Variants in NEGR1 observed in about 807,000 individuals in gnomAD.
NEGR1 encodes the protein IgLON family member 4.
A neutral mutation model predicts 40.9 loss-of-function variants in NEGR1; 10 were observed. The ratio of observed to expected loss-of-function variants is 0.24; its 90% CI spans 0.15 to 0.42. The LOEUF is 0.42. Ranked by LOEUF, NEGR1 falls within the 10% of genes least tolerant of loss-of-function variation. NEGR1 has a pLI of 1.00. For missense variants in NEGR1, 352 were observed against 438.9 expected, an observed-to-expected ratio of 0.80 and a Z score of 1.77; for synonymous variants, 185 against 166.8, an observed-to-expected ratio of 1.11 and a Z score of -0.84.
intron 1 of NEGR1, among the ~76,000 whole-genome samples, chr1:71,951,877 A>C (rs755507714): frequency 2.0e-5 from 3 of 151,854 alleles, no homozygotes; most frequent in Non-Finnish European, 4.4e-5. Flanking sequence ...TATATGTTTT[A>C]TGGTGGTCCA....
At chr1:72,276,101 A>G (rs1656040195) in intron 1 of NEGR1, among the ~76,000 whole-genome samples, 2 of 152,002 alleles carry the variant, frequency 1.3e-5, no homozygotes, top group East Asian at 3.9e-4. Flanking sequence ...CATCTCAGAA[A>G]AAGAAAAGAA....
intron 1 of NEGR1, among the ~76,000 whole-genome samples, chr1:72,030,722 G>C (rs930581083): frequency 6.6e-6 from 1 of 152,024 alleles, no homozygotes; most frequent in East Asian, 1.9e-4. Context: ...ATTAGATAAA[G>C]CAAATGTAGT....
At chr1:72,087,862 C>T (rs1280648878) in intron 1 of NEGR1, among the ~76,000 whole-genome samples, 1 of 150,182 alleles carries the variant, frequency 6.7e-6, no homozygotes, top group Non-Finnish European at 1.5e-5. Flanking sequence ...TCCCAAAGTG[C>T]TGAGATTAGG....
At chr1:72,163,755 TAGATAGATA>T (rs1557557983) in intron 1 of NEGR1, among the ~76,000 whole-genome samples, 76 of 132,334 alleles carry the variant, frequency 5.7e-4, no homozygotes, top group Middle Eastern at 3.8e-3. Context: ...GATAGATAGA[TAGATAGATA>T]TAGATTTAGA....
chr1:71,502,276 T>C (rs967816870), intron 6 of NEGR1, among the ~76,000 whole-genome samples: 1 of 152,076 alleles, frequency 6.6e-6, no homozygotes, highest in Non-Finnish European at 1.5e-5. Context: ...GACCTGGGTA[T>C]AACCTTATAA....
At position 71,865,696 on chromosome 1, in the gene NEGR1, C is replaced by T. The variant is rs937418546; in HGVS notation, c.409+69383G>A. On this transcript the variant is annotated intron_variant, in intron 2 of 6. Transcript: ENST00000357731. ...AGCAAACTACCATGGAACATGTATACCTATCTAACAAACCTGCACGTTCTG... is the reference window on the plus strand; with the variant it reads ...AGCAAACTACCATGGAACATGTATATCTATCTAACAAACCTGCACGTTCTG... Among the ~76,000 whole-genome samples, 4 of 152,036 alleles carry T rather than the reference C, an allele frequency of 2.6e-5. No homozygotes were observed. In the East Asian group the frequency reaches 7.7e-4, roughly 29 times the overall value.
intron 2 of NEGR1, among the ~76,000 whole-genome samples, chr1:71,817,421 A>T (rs749298765): frequency 6.6e-5 from 10 of 152,030 alleles, no homozygotes; most frequent in Non-Finnish European, 1.5e-4. Context: ...ATCACAACTT[A>T]ACATTTTTCT....
intron 1 of NEGR1, among the ~76,000 whole-genome samples, chr1:72,262,779 A>T (rs1383648957): frequency 6.6e-6 from 1 of 151,986 alleles, no homozygotes; most frequent in East Asian, 1.9e-4. Context: ...ACAGCATATA[A>T]TGCTTTTTAA....
chr1:72,167,991 ATAT>A (rs537158290), intron 1 of NEGR1, among the ~76,000 whole-genome samples: 6 of 135,556 alleles, frequency 4.4e-5, no homozygotes, highest in Non-Finnish European at 6.4e-5. Flanking sequence ...TAAGGTAGTT[ATAT>A]TATTATTATT....
chr1:72,046,829 T>C (rs1647006857), intron 1 of NEGR1, among the ~76,000 whole-genome samples: 3 of 151,532 alleles, frequency 2.0e-5, no homozygotes, highest in Non-Finnish European at 4.4e-5. Flanking sequence ...ACTTAATGTA[T>C]AAAAAATTAA....
chr1:71,770,006 C>T (rs1389038626), intron 3 of NEGR1, among the ~76,000 whole-genome samples: 1 of 152,146 alleles, frequency 6.6e-6, no homozygotes, highest in Non-Finnish European at 1.5e-5. Flanking sequence ...AGATCTGGAT[C>T]TCAAACTCGA....
At chr1:71,702,659 A>C (rs1653735739) in intron 3 of NEGR1, among the ~76,000 whole-genome samples, 1 of 151,754 alleles carries the variant, frequency 6.6e-6, no homozygotes, top group African/African-American at 2.4e-5. Flanking sequence ...GATCGCTATT[A>C]TATTTAGGAA....
rs1173919412 is a variant in NEGR1, at chr1:71,402,126, T to A, written c.*5320A>T. On this transcript the variant is annotated 3_prime_UTR_variant, in exon 7 of 7. Transcript: ENST00000357731. Reference sequence around the variant, plus strand: ...TGGGACTGGAAACAAATTGGGAACATTTTTCATTGCATATTTGGCTCAGAT... The same window carrying A: ...TGGGACTGGAAACAAATTGGGAACAATTTTCATTGCATATTTGGCTCAGAT... The A allele has an allele frequency of 6.6e-6, 1 of 152,054 alleles. No homozygotes were observed. The highest frequency in any genetic ancestry group is 2.4e-5 in the African/African-American group (1 of 41,350). 9.4% of individuals were successfully genotyped at this position (152,054 alleles called of 1,614,324 possible).
chr1:71,945,433 T>C (rs528166488), intron 1 of NEGR1, among the ~76,000 whole-genome samples: 1 of 152,242 alleles, frequency 6.6e-6, no homozygotes, highest in African/African-American at 2.4e-5. Flanking sequence ...AAAATATAAT[T>C]AGAAGAAGGA....
At chr1:72,126,196 A>T (rs1439308145) in intron 1 of NEGR1, among the ~76,000 whole-genome samples, 1 of 151,728 alleles carries the variant, frequency 6.6e-6, no homozygotes, top group African/African-American at 2.4e-5. Flanking sequence ...ATGAAGAGAC[A>T]GTGTTGGAAA....
intron 1 of NEGR1, among the ~76,000 whole-genome samples, chr1:72,266,748 C>CACACAA (rs1289005893): frequency 2.0e-5 from 3 of 150,052 alleles, no homozygotes; most frequent in Non-Finnish European, 4.5e-5. Context: ...CACACACACA[C>CACACAA]ACACACACAC....
intron 1 of NEGR1, among the ~76,000 whole-genome samples, chr1:72,265,253 T>A (rs962644541): frequency 6.6e-6 from 1 of 150,970 alleles, no homozygotes; most frequent in African/African-American, 2.4e-5. Context: ...ATGAAAATCA[T>A]TCAAAATTTA....
At chr1:71,800,744 C>G (rs1585379) in intron 2 of NEGR1, among the ~76,000 whole-genome samples, 7,845 of 152,136 alleles carry the variant, frequency 0.052, 350 homozygotes, top group African/African-American at 0.12. Context: ...TTTAACTACT[C>G]GAGGGCTTCA....
At chr1:72,200,784 G>T (rs1653177529) in intron 1 of NEGR1, among the ~76,000 whole-genome samples, 1 of 151,912 alleles carries the variant, frequency 6.6e-6, no homozygotes, top group Non-Finnish European at 1.5e-5. Context: ...TCCAATGTAA[G>T]ATTGAGTGCT....
Sources: gnomAD v4.1 joint callset for allele counts (sites outside exome capture counted in the v4.1 genomes callset) on GRCh38, gnomAD v4.1.1 for gene constraint, MANE v1.5 for transcripts, NCBI Gene and HGNC (gene_info 2026-07-23, HGNC 2026-07-21) for gene names.